The following LIMA1 variants were observed in gnomAD, a reference collection of about 807,000 sequenced individuals.
LIMA1 encodes the protein LIM domain and actin binding 1, also known as LIM domain and actin-binding protein 1.
A neutral mutation model predicts 62.6 loss-of-function variants in LIMA1; 52 were observed. The ratio of observed to expected loss-of-function variants is 0.83; its 90% CI spans 0.67 to 1.05. LIMA1 has a LOEUF of 1.05. Among genes scored for constraint, LIMA1 ranks in the 50% least tolerant of loss-of-function variants. LIMA1 has a pLI of 0.00. For synonymous variants in LIMA1, 302 were observed against 317.8 expected, an observed-to-expected ratio of 0.95 and a Z score of 0.53; for missense variants, 780 against 902.2, an observed-to-expected ratio of 0.86 and a Z score of 1.74.
At chr12:50,215,066 A>G (rs1941319794) in intron 4 of LIMA1, among the ~76,000 whole-genome samples, 1 of 152,094 alleles carries the variant, frequency 6.6e-6, no homozygotes, top group South Asian at 2.1e-4. Context: ...GATGCAGATT[A>G]CAGATTGGCT....
intron 1 of LIMA1, among the ~76,000 whole-genome samples, chr12:50,261,372 A>G (rs531023353): frequency 1.3e-5 from 2 of 151,928 alleles, no homozygotes; most frequent in African/African-American, 2.4e-5. Flanking sequence ...AACTCTATAA[A>G]TGCAGCTTGA....
intron 6 of LIMA1, chr12:50,201,991 G>A (rs1941060967): frequency 6.6e-6 from 1 of 152,244 alleles, no homozygotes; most frequent in Admixed American, 6.5e-5. Flanking sequence ...TAGTAATCTA[G>A]TACTTTTCTG....
Position 50,176,457 on chromosome 12 carries a change from A to T in LIMA1, c.*607T>A, listed in dbSNP as rs1940336726. 1 of 152,248 alleles carries T rather than the reference A, an allele frequency of 6.6e-6. No homozygotes were observed. The allele number at this position is 152,248 out of a possible 1,614,324, so 9.4% of individuals were successfully genotyped here. A position where few individuals can be genotyped will look rare whatever the true frequency, so the allele number is the denominator to read the frequency against. On this transcript the variant is annotated 3_prime_UTR_variant, in exon 11 of 11. Coordinates refer to ENST00000341247, the MANE Select transcript of LIMA1 (RefSeq NM_016357.5). ...CTCAAAAAGTGCTCTGTTGTATTAT[A>T]CCTCAGGACGTCGAGTTCAGGATGT...
intron 2 of LIMA1, among the ~76,000 whole-genome samples, chr12:50,238,760 G>C (rs1016028644): frequency 1.3e-5 from 2 of 151,424 alleles, no homozygotes; most frequent in Non-Finnish European, 2.9e-5. Flanking sequence ...TGAGGCAGGA[G>C]AATCGCTTGA....
At chr12:50,271,536 T>C (rs1284545692) in intron 1 of LIMA1, among the ~76,000 whole-genome samples, 1 of 152,188 alleles carries the variant, frequency 6.6e-6, no homozygotes, top group Non-Finnish European at 1.5e-5. Flanking sequence ...TAGTTTTTTT[T>C]CACACATAGT....
chr12:50,204,984 G>C (rs376726250), intron 5 of LIMA1, among the ~76,000 whole-genome samples: 1 of 152,080 alleles, frequency 6.6e-6, no homozygotes, highest in Admixed American at 6.6e-5. Context: ...TTAAAAGCAC[G>C]AAGAAGAAAA....
intron 7 of LIMA1, among the ~76,000 whole-genome samples, chr12:50,199,818 T>G (rs1471848495): frequency 2.6e-5 from 4 of 152,168 alleles, no homozygotes; most frequent in African/African-American, 7.2e-5. Context: ...TAATCAAATA[T>G]ATTTTTATTT....
intron 4 of LIMA1, among the ~76,000 whole-genome samples, chr12:50,214,051 C>CACACACACACACACCCACAT (rs55904917): frequency 6.7e-6 from 1 of 149,862 alleles, no homozygotes; most frequent in South Asian, 2.1e-4. Context: ...CACACACACA[C>CACACACACACACACCCACAT]GAGATTACTC....
chr12:50,197,165 G>A (rs146447245), intron 7 of LIMA1, among the ~76,000 whole-genome samples: 1 of 151,370 alleles, frequency 6.6e-6, no homozygotes, highest in Non-Finnish European at 1.5e-5. Flanking sequence ...CTGCCTCCTG[G>A]GTTTAAGTGA....
chr12:50,263,828 G>A (rs866536336), intron 1 of LIMA1, among the ~76,000 whole-genome samples: 1 of 108,842 alleles, frequency 9.2e-6, no homozygotes, highest in East Asian at 2.5e-4. Flanking sequence ...TATATATATA[G>A]AGAGAGTATA....
chr12:50,250,563 C>CAAAA (rs754126420), intron 1 of LIMA1, among the ~76,000 whole-genome samples: 18 of 33,890 alleles, frequency 5.3e-4, no homozygotes, highest in African/African-American at 1.3e-3. Context: ...AAGATGTTCT[C>CAAAA]AAAAAAAAAA....
chr12:50,195,910 A>T (rs765454361), intron 7 of LIMA1, 23 bp from the exon 8 acceptor site: 2 of 1,567,168 alleles, frequency 1.3e-6, no homozygotes, highest in South Asian at 2.4e-5. Flanking sequence ...AAAAAAAAAA[A>T]AAGTTAGAGG....
intron 1 of LIMA1, among the ~76,000 whole-genome samples, chr12:50,259,928 G>T (rs947601815): frequency 6.6e-6 from 1 of 152,158 alleles, no homozygotes; most frequent in African/African-American, 2.4e-5. Flanking sequence ...CAACAAAAAT[G>T]AGGCTGTGTA....
chr12:50,235,628 G>C (rs980655567), intron 2 of LIMA1, among the ~76,000 whole-genome samples: 16 of 152,070 alleles, frequency 1.1e-4, no homozygotes, highest in African/African-American at 3.9e-4. Context: ...TCGCCATGTA[G>C]TACTGCTCTG....
In LIMA1 at chr12:50,182,026, T is replaced by A; in HGVS notation, c.1152A>T (p.Ala384=). The stretch of plus-strand genomic sequence containing the variant: ...ATTCCACGCAGGTCTCTCTTGCAGG[T>A]GCCTGAAACTTCTAGGAAAAACAAA... ...SPPKAMKKFQ[A]PARETCVECQ... is the part of the protein sequence containing the mutation. Residue 384 remains alanine, a synonymous_variant, in exon 10 of 11, where the codon GCA becomes GCT. Transcript: ENST00000341247. 6.2e-7 allele frequency: 1 copy of A among 1,612,646 alleles called. No individual in the cohort carries two copies. The highest frequency in any genetic ancestry group is 1.3e-5 in the African/African-American group (1 of 74,996).
intron 1 of LIMA1, among the ~76,000 whole-genome samples, chr12:50,251,274 T>C (rs992580513): frequency 6.6e-6 from 1 of 152,164 alleles, no homozygotes; most frequent in Non-Finnish European, 1.5e-5. Context: ...ATAAATACTG[T>C]CAGTTCTTCC....
At chr12:50,210,894 A>T (rs555285255) in intron 4 of LIMA1, among the ~76,000 whole-genome samples, 1 of 152,330 alleles carries the variant, frequency 6.6e-6, no homozygotes, top group Admixed American at 6.5e-5. Context: ...TCTCTGAAAA[A>T]TCCCTCATAC....
At chr12:50,230,955 C>T (rs1260041720) in intron 3 of LIMA1, among the ~76,000 whole-genome samples, 1 of 152,088 alleles carries the variant, frequency 6.6e-6, no homozygotes, top group Admixed American at 6.6e-5. Flanking sequence ...AGCCTTAGAA[C>T]AAATTTACAG....
At chr12:50,186,559 C>T (rs1236294816) in intron 9 of LIMA1, 5 of 152,494 alleles carry the variant, frequency 3.3e-5, no homozygotes, top group Non-Finnish European at 7.3e-5. Context: ...AGAGCATAGA[C>T]AACCCCTCAT....
Sources: allele counts gnomAD v4.1 joint callset (sites outside exome capture counted in the v4.1 genomes callset), GRCh38; gene constraint gnomAD v4.1.1; transcripts MANE v1.5; gene names NCBI Gene and HGNC (gene_info 2026-07-23, HGNC 2026-07-21).